Variants in BTRC observed in about 807,000 individuals in gnomAD.
BTRC encodes the protein beta-transducin repeat containing E3 ubiquitin protein ligase, also known as F-box/WD repeat-containing protein 1A.
A neutral mutation model predicts 85.5 loss-of-function variants in BTRC; 42 were observed. That is an observed-to-expected ratio of 0.49 (90% confidence interval 0.38 to 0.64). BTRC has a LOEUF of 0.64. BTRC is among the 30% of genes least tolerant of loss of function. BTRC has a pLI of 0.00. For missense variants in BTRC, 594 were observed against 743.5 expected, an observed-to-expected ratio of 0.80 and a Z score of 2.34; for synonymous variants, 255 against 263.3, an observed-to-expected ratio of 0.97 and a Z score of 0.30.
At chr10:101,489,032 A>G (rs895337298) in intron 4 of BTRC, among the ~76,000 whole-genome samples, 32 of 152,234 alleles carry the variant, frequency 2.1e-4, no homozygotes, top group Non-Finnish European at 2.9e-4. Flanking sequence ...CTTAAAACTC[A>G]TTGTACAAAA....
intron 1 of BTRC, among the ~76,000 whole-genome samples, chr10:101,364,191 A>G (rs1369994591): frequency 6.6e-6 from 1 of 152,174 alleles, no homozygotes; most frequent in African/African-American, 2.4e-5. Context: ...CACTCTCCTG[A>G]TAGCACTTTT....
intron 4 of BTRC, among the ~76,000 whole-genome samples, chr10:101,504,934 T>C (rs1416612986): frequency 2.6e-5 from 4 of 151,448 alleles, no homozygotes; most frequent in African/African-American, 9.7e-5. Flanking sequence ...GACTAATAAA[T>C]TTTAAAAAAA....
chr10:101,532,609 TA>T (rs1589606217), intron 8 of BTRC, among the ~76,000 whole-genome samples, 177 bp downstream of exon 8: 1 of 152,162 alleles, frequency 6.6e-6, no homozygotes, highest in East Asian at 1.9e-4. Context: ...GCTTCCCCAC[TA>T]TACAAACGGG....
chr10:101,464,945 G>C (rs990576565), intron 3 of BTRC, among the ~76,000 whole-genome samples: 1 of 152,102 alleles, frequency 6.6e-6, no homozygotes, highest in Admixed American at 6.6e-5. Flanking sequence ...GGGGTCAATA[G>C]AAGCGGGTCA....
chr10:101,475,831 A>G (rs1945663223), intron 3 of BTRC, among the ~76,000 whole-genome samples: 1 of 149,518 alleles, frequency 6.7e-6, no homozygotes, highest in African/African-American at 2.4e-5. Flanking sequence ...AAAAATTACC[A>G]TAGGCATGAT....
chr10:101,552,105 GCTT>G (rs1337758476), intron 14 of BTRC, among the ~76,000 whole-genome samples: 1 of 151,866 alleles, frequency 6.6e-6, no homozygotes, highest in Admixed American at 6.6e-5. Flanking sequence ...GATTATTTGT[GCTT>G]CTTTCCCCCT....
At chr10:101,366,958 ATT>A (rs1564730555) in intron 1 of BTRC, among the ~76,000 whole-genome samples, 8 of 37,996 alleles carry the variant, frequency 2.1e-4, no homozygotes, top group African/African-American at 4.3e-4. Context: ...TTATATATAT[ATT>A]TATATAAATA....
intron 1 of BTRC, among the ~76,000 whole-genome samples, chr10:101,390,472 G>A (rs1477559939): frequency 6.7e-6 from 1 of 149,690 alleles, no homozygotes; most frequent in African/African-American, 2.4e-5. Flanking sequence ...TGAGTAGCTG[G>A]GATTACAGGT....
chr10:101,451,249 C>G (rs1162972433), intron 2 of BTRC, among the ~76,000 whole-genome samples: 1 of 152,100 alleles, frequency 6.6e-6, no homozygotes, highest in Non-Finnish European at 1.5e-5. Context: ...TTTAAGAGCA[C>G]TTCTCCTTTT....
chr10:101,528,703 A>T (rs1007039976), intron 6 of BTRC, among the ~76,000 whole-genome samples: 3 of 151,566 alleles, frequency 2.0e-5, no homozygotes, highest in East Asian at 1.9e-4. Flanking sequence ...TCCCTTTTTT[A>T]AAAAAAAATT....
intron 2 of BTRC, among the ~76,000 whole-genome samples, chr10:101,445,505 A>C (rs1184078868): frequency 1.3e-5 from 2 of 152,206 alleles, no homozygotes; most frequent in East Asian, 3.9e-4. Context: ...GCAGGGACAT[A>C]GTGATTGGAG....
chr10:101,497,573 G>T (rs999511983), intron 4 of BTRC, among the ~76,000 whole-genome samples: 11 of 152,098 alleles, frequency 7.2e-5, no homozygotes, highest in Non-Finnish European at 8.8e-5. Context: ...AGGCATGGTG[G>T]TGCGCACCTG....
intron 1 of BTRC, chr10:101,414,702 T>C (rs1453994736): frequency 5.8e-6 from 3 of 516,566 alleles, no homozygotes; most frequent in East Asian, 5.5e-5. Flanking sequence ...GTGATATTGA[T>C]GATCCTTGCT....
chr10:101,396,122 G>T (rs910667434), intron 1 of BTRC, among the ~76,000 whole-genome samples: 1 of 151,546 alleles, frequency 6.6e-6, no homozygotes, highest in South Asian at 2.1e-4. Flanking sequence ...TTCTGTTATA[G>T]CGAATACTGG....
At chr10:101,534,116 C>T (rs2062345679) in intron 9 of BTRC, among the ~76,000 whole-genome samples, 1 of 152,166 alleles carries the variant, frequency 6.6e-6, no homozygotes, top group South Asian at 2.1e-4. Flanking sequence ...CTGTGAAGCC[C>T]ATATTTACAA....
chr10:101,460,319 GTA>G (rs1409181375), intron 2 of BTRC, among the ~76,000 whole-genome samples: 1 of 151,806 alleles, frequency 6.6e-6, no homozygotes, highest in Non-Finnish European at 1.5e-5. Context: ...TACATAGCAT[GTA>G]TTGCCAGTCG....
intron 1 of BTRC, among the ~76,000 whole-genome samples, chr10:101,385,618 C>CTTTTTTTTTTTTTTTTTTTTTT (rs36030307): frequency 9.0e-4 from 72 of 79,776 alleles, no homozygotes; most frequent in Non-Finnish European, 1.4e-3. Context: ...TCTTCTTCTT[C>CTTTTTTTTTTTTTTTTTTTTTT]TTTTTTTTTT....
At chr10:101,515,966 G>A (rs1410393743) in intron 4 of BTRC, among the ~76,000 whole-genome samples, 1 of 152,214 alleles carries the variant, frequency 6.6e-6, no homozygotes, top group African/African-American at 2.4e-5. Flanking sequence ...AAGGGGGCTA[G>A]TGAGTCTCGT....
intron 4 of BTRC, among the ~76,000 whole-genome samples, chr10:101,505,635 A>AT (rs1158474667): frequency 6.2e-5 from 9 of 146,224 alleles, no homozygotes; most frequent in Non-Finnish European, 9.2e-5. Flanking sequence ...AATAAAAAAA[A>AT]AAAAATAATA....
Sources: gnomAD v4.1 joint callset for allele counts (sites outside exome capture counted in the v4.1 genomes callset) on GRCh38, gnomAD v4.1.1 for gene constraint, MANE v1.5 for transcripts, NCBI Gene and HGNC (gene_info 2026-07-23, HGNC 2026-07-21) for gene names.